SLC5A4: variants seen among roughly 807,000 people sequenced by gnomAD.
The protein encoded by SLC5A4 is solute carrier family 5 member 4.
A neutral mutation model predicts 70.3 loss-of-function variants in SLC5A4; 55 were observed. The ratio of observed to expected loss-of-function variants is 0.78; its 90% CI spans 0.63 to 0.98. SLC5A4 has a LOEUF of 0.98. Among genes scored for constraint, SLC5A4 ranks in the 50% least tolerant of loss-of-function variants. The pLI is 0.00. For synonymous variants in SLC5A4, 268 were observed against 305.7 expected, an observed-to-expected ratio of 0.88 and a Z score of 1.29; for missense variants, 735 against 839.2, an observed-to-expected ratio of 0.88 and a Z score of 1.53.
chr22:32,222,048 C>A (rs925797888), intron 13 of SLC5A4, among the ~76,000 whole-genome samples: 1 of 152,302 alleles, frequency 6.6e-6, no homozygotes, highest in Admixed American at 6.5e-5. Context: ...TGAGCCACTG[C>A]GCCCAGCCTA....
the SLC5A4 span, among the ~76,000 whole-genome samples, chr22:32,340,488 C>T: frequency 4.6e-5 from 7 of 152,196 alleles, no homozygotes; most frequent in African/African-American, 1.7e-4. Flanking sequence ...AGGCACAAAG[C>T]CACAAAGCAA....
At chr22:32,255,465 C>T (rs1927431672), upstream of SLC5A4, 1 of 913,902 alleles carries the variant, frequency 1.1e-6, no homozygotes, top group Non-Finnish European at 1.7e-6. Flanking sequence ...ACCTCTTCTC[C>T]AAAGCTGTGG....
chr22:32,311,150 C>T, the SLC5A4 span, among the ~76,000 whole-genome samples: 1 of 152,224 alleles, frequency 6.6e-6, no homozygotes, highest in Admixed American at 6.5e-5. Context: ...GAGGGTCTCA[C>T]TCACTTGTCC....
chr22:32,307,164 T>C, the SLC5A4 span, among the ~76,000 whole-genome samples: 1 of 89,602 alleles, frequency 1.1e-5, no homozygotes, highest in African/African-American at 4.1e-5. Context: ...TGGTGCCTAC[T>C]GGAGGGTTGT....
chr22:32,311,968 G>T, the SLC5A4 span, among the ~76,000 whole-genome samples: 1 of 152,062 alleles, frequency 6.6e-6, no homozygotes, highest in Non-Finnish European at 1.5e-5. Context: ...GCCATGTGGC[G>T]CCTGGGCACC....
intron 5 of SLC5A4, among the ~76,000 whole-genome samples, chr22:32,245,367 C>A (rs1215182074): frequency 6.6e-6 from 1 of 152,206 alleles, no homozygotes; most frequent in Non-Finnish European, 1.5e-5. Context: ...GGCTTCCCTG[C>A]ACCCACACCT....
At chr22:32,315,839 A>G in the SLC5A4 span, among the ~76,000 whole-genome samples, 1 of 150,684 alleles carries the variant, frequency 6.6e-6, no homozygotes, top group African/African-American at 2.4e-5. Flanking sequence ...AAACAAGGGC[A>G]CTGAAGGTAG....
the SLC5A4 span, among the ~76,000 whole-genome samples, chr22:32,282,064 A>G: frequency 3.3e-5 from 5 of 151,920 alleles, no homozygotes; most frequent in African/African-American, 1.2e-4. Flanking sequence ...GCTGGTCTCA[A>G]ACTCCTGACC....
chr22:32,324,058 C>T, the SLC5A4 span, among the ~76,000 whole-genome samples: 8 of 152,208 alleles, frequency 5.3e-5, no homozygotes, highest in Admixed American at 3.3e-4. Flanking sequence ...GATACACCTC[C>T]GTTTGGGAAT....
chr22:32,294,593 TA>T, the SLC5A4 span, among the ~76,000 whole-genome samples: 2 of 67,830 alleles, frequency 2.9e-5, no homozygotes, highest in African/African-American at 1.1e-4. Flanking sequence ...TGACAATCAT[TA>T]ATATTAATAT....
At chr22:32,319,439 T>C in the SLC5A4 span, among the ~76,000 whole-genome samples, 1 of 152,128 alleles carries the variant, frequency 6.6e-6, no homozygotes, top group Non-Finnish European at 1.5e-5. Flanking sequence ...AAACTGGAAC[T>C]CTCACCATTG....
the SLC5A4 span, among the ~76,000 whole-genome samples, chr22:32,292,063 G>A: frequency 1.5e-5 from 2 of 134,320 alleles, no homozygotes; most frequent in Non-Finnish European, 3.1e-5. Flanking sequence ...TAGTAGAGAC[G>A]GGGTTTTAGT....
At position 32,234,861 on chromosome 22, in the gene SLC5A4, C is replaced by A. The variant is rs1925968070; in HGVS notation, c.885+12G>T. The A allele has an allele frequency of 6.4e-7, 1 of 1,572,610 alleles. No homozygotes were observed. The highest frequency in any genetic ancestry group is 1.1e-5 in the South Asian group (1 of 90,198). On this transcript the variant is annotated intron_variant, in intron 8 of 14. Coordinates refer to ENST00000266086, the MANE Select transcript of SLC5A4 (RefSeq NM_014227.3). ...AGACAGACAGACAGACACACATATA[C>A]ATATACTTCACCTGATTTGTGCACC...
chr22:32,313,696 C>T, the SLC5A4 span, among the ~76,000 whole-genome samples: 1 of 152,184 alleles, frequency 6.6e-6, no homozygotes, highest in African/African-American at 2.4e-5. Flanking sequence ...GTGTCTATTA[C>T]AAGAGCAATT....
chr22:32,220,847 C>T, intron 14 of SLC5A4, 73 bp downstream of exon 14: 1 of 978,548 alleles, frequency 1.0e-6, no homozygotes, highest in Non-Finnish European at 1.7e-6. Context: ...GATTTAATGA[C>T]ATTAAAAGAA....
chr22:32,337,256 C>T, the SLC5A4 span, among the ~76,000 whole-genome samples: 2 of 152,200 alleles, frequency 1.3e-5, no homozygotes, highest in South Asian at 4.1e-4. Context: ...TTCCTGTGCA[C>T]ATAAGAAACA....
intron 6 of SLC5A4, among the ~76,000 whole-genome samples, chr22:32,238,246 T>G (rs1421103594): frequency 6.6e-6 from 1 of 152,128 alleles, no homozygotes; most frequent in Non-Finnish European, 1.5e-5. Context: ...CCCAACCCCC[T>G]TGGAAGTCCT....
chr22:32,277,839 C>T, the SLC5A4 span, among the ~76,000 whole-genome samples: 6 of 152,302 alleles, frequency 3.9e-5, no homozygotes, highest in East Asian at 3.9e-4. Flanking sequence ...TGAGCCACCG[C>T]GCCCAGCCCG....
At chr22:32,289,574 C>T in the SLC5A4 span, among the ~76,000 whole-genome samples, 1 of 152,212 alleles carries the variant, frequency 6.6e-6, no homozygotes, top group South Asian at 2.1e-4. Context: ...CCGGTTCAAG[C>T]GATTCTGCCT....
Sources: allele counts gnomAD v4.1 joint callset (sites outside exome capture counted in the v4.1 genomes callset), GRCh38; gene constraint gnomAD v4.1.1; transcripts MANE v1.5; gene names NCBI Gene and HGNC (gene_info 2026-07-23, HGNC 2026-07-21).